XKR9: variants seen among roughly 807,000 people sequenced by gnomAD.
XKR9 encodes the protein XK-related protein 9.
XKR9 carries 32 observed loss-of-function variants against 32.0 expected under a neutral mutation model. The ratio of observed to expected loss-of-function variants is 1.00; its 90% CI spans 0.76 to 1.34. The LOEUF (loss-of-function observed/expected upper bound fraction) is 1.34, where lower values mean the gene tolerates loss of function less well. XKR9 is among the 40% of genes most tolerant of loss of function. XKR9 has a pLI of 0.00. For missense variants in XKR9, 546 were observed against 429.7 expected (o/e 1.27, Z -2.39); for synonymous variants, 168 against 143.4 (o/e 1.17, Z -1.22).
At chr8:70,697,831 G>A (rs1317125789) in intron 3 of XKR9, among the ~76,000 whole-genome samples, 2 of 151,948 alleles carry the variant, frequency 1.3e-5, no homozygotes, top group Admixed American at 6.6e-5. Flanking sequence ...TTTCTGGTTG[G>A]TAAGCTATTG....
At chr8:70,817,396 A>G in the XKR9 span, among the ~76,000 whole-genome samples, 1 of 152,166 alleles carries the variant, frequency 6.6e-6, no homozygotes, top group Non-Finnish European at 1.5e-5. Context: ...AAGAAATAAA[A>G]TACCTAGGAA....
At chr8:70,898,987 C>T in the XKR9 span, among the ~76,000 whole-genome samples, 1 of 152,142 alleles carries the variant, frequency 6.6e-6, no homozygotes, top group Non-Finnish European at 1.5e-5. Context: ...AATCATAGCT[C>T]ACTGCAGCCT....
chr8:70,778,294 C>T lies in XKR9; in HGVS notation n.353-11045C>T, dbSNP rs192178197. On this transcript the variant is annotated intron_variant and non_coding_transcript_variant, in intron 2 of 3. Coordinates refer to the XKR9 transcript ENST00000520273. Reference sequence around the variant, plus strand: ...TTATTTCTGAGGCCTCTGTTCTGTGCCATCGGTCTATATATCTGTTTTGGT... The same window carrying T: ...TTATTTCTGAGGCCTCTGTTCTGTGTCATCGGTCTATATATCTGTTTTGGT... 2.2e-3 allele frequency among the ~76,000 whole-genome samples: 341 copies of T among 152,158 alleles called. 1 individual carries two copies. The highest frequency in any genetic ancestry group is 7.9e-3 in the African/African-American group (327 of 41,506).
chr8:71,050,260 TAG>T, the XKR9 span, among the ~76,000 whole-genome samples: 2,978 of 107,542 alleles, frequency 0.028, 84 homozygotes, highest in African/African-American at 0.086. Flanking sequence ...TATATATATA[TAG>T]ATAGATAGAT....
chr8:70,797,885 T>C, the XKR9 span, among the ~76,000 whole-genome samples: 1 of 152,156 alleles, frequency 6.6e-6, no homozygotes, highest in African/African-American at 2.4e-5. Context: ...GATATGATTT[T>C]GTTCTTTTTT....
rs141331507 is a variant in XKR9 at position 70,728,179 on chromosome 8, G to A, written c.494-5617G>A. 2.9e-3 allele frequency among the ~76,000 whole-genome samples: 447 copies of A among 152,304 alleles called. 1 individual carries two copies. The highest frequency in any genetic ancestry group is 6.7e-3 in the African/African-American group (280 of 41,562). On this transcript the variant is annotated intron_variant, in intron 4 of 4. Transcript: ENST00000408926. The stretch of plus-strand genomic sequence containing the variant: ...GCTTGGAGGTTAGAAGCAAGATGGA[G>A]TTGGTTAGGTCAGGTCTCTTTCACT...
At chr8:70,900,112 A>G in the XKR9 span, among the ~76,000 whole-genome samples, 1 of 150,636 alleles carries the variant, frequency 6.6e-6, no homozygotes, top group South Asian at 2.1e-4. Flanking sequence ...AAAAAAAAAA[A>G]TTAGTCTTTT....
the XKR9 span, among the ~76,000 whole-genome samples, chr8:71,050,236 G>GATAT: frequency 0.047 from 5,741 of 122,958 alleles, 192 homozygotes; most frequent in Middle Eastern, 0.088. Context: ...GCCTGGCAGA[G>GATAT]ATATATATAT....
chr8:70,696,727 T>C (rs2132147074), intron 3 of XKR9, among the ~76,000 whole-genome samples: 2 of 150,154 alleles, frequency 1.3e-5, no homozygotes. Flanking sequence ...AAGAAAGTCA[T>C]TGGTAGCTTG....
At chr8:70,834,585 T>G in the XKR9 span, among the ~76,000 whole-genome samples, 1 of 152,168 alleles carries the variant, frequency 6.6e-6, no homozygotes, top group Non-Finnish European at 1.5e-5. Context: ...CTTATTAGTC[T>G]CATCTAATTT....
the XKR9 span, among the ~76,000 whole-genome samples, chr8:70,914,386 G>A: frequency 6.6e-5 from 10 of 152,216 alleles, no homozygotes; most frequent in South Asian, 2.1e-3. Flanking sequence ...CAGTTGTTTT[G>A]TGTACTTGTC....
At chr8:70,819,432 A>C in the XKR9 span, among the ~76,000 whole-genome samples, 1 of 152,202 alleles carries the variant, frequency 6.6e-6, no homozygotes, top group Non-Finnish European at 1.5e-5. Flanking sequence ...GAGGGATGAG[A>C]CTGTGTTTCC....
At chr8:70,831,631 A>C in the XKR9 span, among the ~76,000 whole-genome samples, 1 of 152,068 alleles carries the variant, frequency 6.6e-6, no homozygotes, top group Non-Finnish European at 1.5e-5. Context: ...TCACAATTCT[A>C]TCATTTTTTT....
chr8:71,000,219 T>C, the XKR9 span, among the ~76,000 whole-genome samples: 2 of 152,256 alleles, frequency 1.3e-5, no homozygotes, highest in Non-Finnish European at 2.9e-5. Context: ...TTTAGTGTTA[T>C]TAAATGATTT....
chr8:70,784,533 C>A (rs536218906), intron 2 of XKR9, among the ~76,000 whole-genome samples: 18 of 150,782 alleles, frequency 1.2e-4, no homozygotes, highest in Non-Finnish European at 1.8e-4. Flanking sequence ...GATTTTTGTG[C>A]GTTGATTTTG....
chr8:70,889,734 C>T, the XKR9 span, among the ~76,000 whole-genome samples: 3 of 151,920 alleles, frequency 2.0e-5, no homozygotes, highest in Non-Finnish European at 4.4e-5. Flanking sequence ...ATACACGTTG[C>T]TTCAAAGGAC....
chr8:70,903,365 G>C, the XKR9 span, among the ~76,000 whole-genome samples: 2 of 152,100 alleles, frequency 1.3e-5, no homozygotes, highest in African/African-American at 4.8e-5. Flanking sequence ...TTTAGTCTTG[G>C]GAGGGTGCAT....
At chr8:70,889,233 T>C in the XKR9 span, among the ~76,000 whole-genome samples, 1 of 151,848 alleles carries the variant, frequency 6.6e-6, no homozygotes, top group Non-Finnish European at 1.5e-5. Context: ...GGGATCGCCA[T>C]CTTGATTTCT....
chr8:70,730,145 T>G (rs1464749594), intron 4 of XKR9, among the ~76,000 whole-genome samples: 4 of 152,164 alleles, frequency 2.6e-5, no homozygotes, highest in African/African-American at 9.7e-5. Context: ...AACTGATACC[T>G]TGTCCTTCCT....
Sources: gnomAD v4.1 joint callset for allele counts (sites outside exome capture counted in the v4.1 genomes callset) on GRCh38, gnomAD v4.1.1 for gene constraint, MANE v1.5 for transcripts, NCBI Gene and HGNC (gene_info 2026-07-23, HGNC 2026-07-21) for gene names.